Variants in OPLAH observed in about 807,000 individuals in gnomAD.
OPLAH encodes the protein 5-oxoprolinase.
OPLAH carries 103 observed loss-of-function variants against 122.8 expected under a neutral mutation model. That is an observed-to-expected ratio of 0.84 (90% CI 0.71 to 0.99). The LOEUF is 0.99. Among genes scored for constraint, OPLAH ranks in the 50% least tolerant of loss-of-function variants. The probability of loss-of-function intolerance (pLI) is 0.00; values close to 1 mark genes in which losing one functional copy is unlikely to be tolerated. For missense variants in OPLAH, 1,902 were observed against 1,836.5 expected (o/e 1.04, Z -0.65); for synonymous variants, 875 against 796.0 (o/e 1.10, Z -1.67).
chr8:144,063,315 A>G (rs557045460), upstream of OPLAH, among the ~76,000 whole-genome samples: 2 of 152,260 alleles, frequency 1.3e-5, no homozygotes, highest in South Asian at 4.1e-4. This position sits in a 1 kb window ranked among gnomAD's most constrained non-coding sequence, Gnocchi z 4.2. Flanking sequence ...TTCAGAACAC[A>G]GAGCTGCTAC....
rs781930226 is a variant in OPLAH at position 144,059,734 on chromosome 8, G to T, written c.228C>A (p.Ser76Arg). 6.2e-7 allele frequency: 1 copy of T among 1,610,958 alleles called. No homozygotes were observed. The highest frequency in any genetic ancestry group is 2.2e-5 in the East Asian group (1 of 44,874). ...TGGCCACTGTGGTGCCCATGCGGAT[G>T]CTGGCGATATGACTGGAGTCCAGCG... ...DQPLDSSHIA[S>R]IRMGTTVATN... Residue 76 changes from serine to arginine, a missense_variant, in exon 3 of 27, where the codon AGC becomes AGA. Ser to Arg is a moderately radical substitution (Grantham distance 110). Around this residue, in one of 3 missense-constraint regions of OPLAH, gnomAD observed 168 missense variants for 170.6 expected, o/e 0.98. Transcript: ENST00000618853.
chr8:144,061,524 G>GA (rs113778211), upstream of OPLAH, among the ~76,000 whole-genome samples: 2,698 of 140,304 alleles, frequency 0.019, 35 homozygotes, highest in East Asian at 0.035. Context: ...TCAAAAAAAA[G>GA]AAAAAAAAAA....
At chr8:144,057,183 T>G (rs782047159) in intron 11 of OPLAH, 25 bp downstream of exon 11, 1 of 1,606,374 alleles carries the variant, frequency 6.2e-7, no homozygotes, top group East Asian at 2.2e-5. Flanking sequence ...TCACACCACC[T>G]CCGTGCACCC....
chr8:144,056,010 C>T, intron 15 of OPLAH, 71 bp from the exon 16 acceptor site: 3 of 1,494,604 alleles, frequency 2.0e-6, no homozygotes, highest in East Asian at 2.4e-5. Context: ...TGCCACGGCC[C>T]CAGGCCAGGG....
chr8:144,058,436 G>GCAGGCCAAGGCC, intron 6 of OPLAH, 32 bp from the exon 7 acceptor site: 2 of 1,582,990 alleles, frequency 1.3e-6, no homozygotes, highest in Non-Finnish European at 1.7e-6. Context: ...GCCATGAGGG[G>GCAGGCCAAGGCC]CAGGCCAAGG....
intron 3 of OPLAH, 27 bp from the exon 4 acceptor site, chr8:144,059,106 G>A (rs1835605962): frequency 6.5e-7 from 1 of 1,535,100 alleles, no homozygotes; most frequent in African/African-American, 1.4e-5. Flanking sequence ...ACTCAGAAGA[G>A]GCCCAGGCCT....
intron 11 of OPLAH, 36 bp from the exon 12 acceptor site, chr8:144,057,154 C>T (rs782549905): frequency 6.3e-7 from 1 of 1,595,104 alleles, no homozygotes. Context: ...GGGAGGTCAC[C>T]TCCCAAGCCC....
intron 19 of OPLAH, among the ~76,000 whole-genome samples, chr8:144,054,210 C>G (rs1053354273): frequency 6.6e-6 from 1 of 152,094 alleles, no homozygotes; most frequent in African/African-American, 2.4e-5. Flanking sequence ...TGGGCCCTGC[C>G]CCTGCCCTGC....
At position 144,056,671 on chromosome 8, in the gene OPLAH, T is replaced by C. The variant is rs1554759241; in HGVS notation, c.1791A>G (p.Pro597=). 4 of 1,611,776 alleles carry C rather than the reference T, an allele frequency of 2.5e-6. No homozygotes were observed. In the South Asian group the frequency reaches 3.3e-5, roughly 13 times the overall value. ...CALMVSAHQH[P]ATARSPRAGD... ...CCGCACGGGGCGAGCGGGCTGTGGC[T>C]GGGTGCTGGTGGGCAGACACCATCA... The change falls in exon 13 of 27, where the codon CCA becomes CCG. Residue 597 remains proline (P), a synonymous_variant. Transcript: ENST00000618853.
At chr8:144,054,767 C>G (rs375848552) in intron 18 of OPLAH, 32 bp from the exon 19 acceptor site, 1 of 1,612,008 alleles carries the variant, frequency 6.2e-7, no homozygotes. Flanking sequence ...TCAGCTGCAT[C>G]GGCCACCACT....
chr8:144,052,060 G>A lies in OPLAH; in HGVS notation c.3478C>T (p.Arg1160Cys), dbSNP rs782304677. 6.9e-6 allele frequency: 11 copies of A among 1,586,268 alleles called. No homozygotes were observed. The highest frequency in any genetic ancestry group is 3.3e-5 in the South Asian group (3 of 89,796). ...ILESRYPVIL[R>C]RFELRRGSGG... ...GAGCCCCGCCGCAGCTCGAAGCGGCGCAGGATGACCGGGTACCTGCGAGGG... is the reference window on the plus strand; with the variant it reads ...GAGCCCCGCCGCAGCTCGAAGCGGCACAGGATGACCGGGTACCTGCGAGGG... Residue 1160 changes from arginine to cysteine, a missense_variant, in exon 25 of 27, where the codon CGC (arginine) becomes TGC (cysteine). By Grantham distance (180) the Arg-to-Cys change is radical. Around this residue, in one of 3 missense-constraint regions of OPLAH, gnomAD observed 1,726 missense variants for 1,642.1 expected, o/e 1.05. Coordinates refer to ENST00000618853, the MANE Select transcript of OPLAH (RefSeq NM_017570.5).
rs368533034 is a variant in OPLAH at position 144,056,240 on chromosome 8, T to A, written c.2003A>T (p.Glu668Val). Residue 668 changes from glutamate (E) to valine (V), a missense_variant, in exon 15 of 27, where the codon GAG becomes GTG. Coordinates refer to ENST00000618853, the MANE Select transcript of OPLAH (RefSeq NM_017570.5). ...RVDKMTQCYFEGGYQETPVYL... is the reference protein window; with the variant it reads ...RVDKMTQCYFVGGYQETPVYL... ...CACAGGGGTCTCCTGGTAGCCCCCC[T>A]CAAAGTAGCACTGGGTCATCTGCAG... The A allele has an allele frequency of 1.3e-5, 21 of 1,611,658 alleles. No individual in the cohort carries two copies. The African/African-American group carries it at 2.8e-4, about 22-fold the overall frequency.
Position 144,057,053 on chromosome 8 carries a change from G to C in OPLAH, c.1601C>G (p.Pro534Arg). Residue 534 changes from proline to arginine, a missense_variant, in exon 12 of 27, where the codon CCC (proline) becomes CGC (arginine). By Grantham distance (103) the Pro-to-Arg change is moderately radical (BLOSUM62 -2). Coordinates refer to ENST00000618853, the MANE Select transcript of OPLAH (RefSeq NM_017570.5). ...LADVVHEAQEPCSLLYAPETF... is the reference protein window; with the variant it reads ...LADVVHEAQERCSLLYAPETF... ...CTCAGGCGCGTAGAGCAGGGAGCAG[G>C]GTTCCTGTGCCTCATGCACCACGTC... 1 of 1,602,294 alleles carries C rather than the reference G, an allele frequency of 6.2e-7. No homozygotes were observed. The highest frequency in any genetic ancestry group is 8.5e-7 in the Non-Finnish European group (1 of 1,175,566).
At chr8:144,061,910 C>G (rs1835670033), upstream of OPLAH, among the ~76,000 whole-genome samples, 1 of 150,932 alleles carries the variant, frequency 6.6e-6, no homozygotes, top group Non-Finnish European at 1.5e-5. Flanking sequence ...GTCCCAGCTA[C>G]TTGGGAGGCT....
rs374886908 is a variant in OPLAH at position 144,057,222 on chromosome 8, C to T, written c.1521G>A (p.Thr507=). The part of the protein sequence containing the change: ...CAIARALGMD[T]VHIHRHSGLL... ...CCCAGGCCCACCTGTGGATGTGCAC[C>T]GTGTCCATGCCCAGGGCCCGGGCGA... Residue 507 remains threonine, a synonymous_variant, in exon 11 of 27, where the codon ACG becomes ACA. Coordinates refer to ENST00000618853, the MANE Select transcript of OPLAH (RefSeq NM_017570.5). The T allele has an allele frequency of 1.1e-4, 175 of 1,611,662 alleles. No individual in the cohort carries two copies. Among genetic ancestry groups the T allele is most frequent in the Admixed American group, 3.0e-4 (18 of 59,914 alleles).
rs377705135 is a variant in OPLAH at position 144,051,795 on chromosome 8, C to T, written c.3654G>A (p.Leu1218=). Reference sequence around the variant, plus strand: ...CCGTCCGGCCGTTTTTGCGGATCAGCAGGTTTAGGCCGCGGGCGCCAGGCT... The same window carrying T: ...CCGTCCGGCCGTTTTTGCGGATCAGTAGGTTTAGGCCGCGGGCGCCAGGCT... ...GGEPGARGLN[L]LIRKNGRTVN... is the part of the protein sequence containing the mutation. The change falls in exon 26 of 27, where the codon CTG becomes CTA. Residue 1218 remains leucine, a synonymous_variant. Coordinates refer to ENST00000618853, the MANE Select transcript of OPLAH (RefSeq NM_017570.5). 1 of 1,597,298 alleles carries T rather than the reference C, an allele frequency of 6.3e-7. No individual in the cohort carries two copies. Among genetic ancestry groups the T allele is most frequent in the Non-Finnish European group, 8.5e-7 (1 of 1,175,740 alleles).
chr8:144,053,791 C>G (rs1835445684), intron 19 of OPLAH, among the ~76,000 whole-genome samples: 1 of 151,828 alleles, frequency 6.6e-6, no homozygotes, highest in Non-Finnish European at 1.5e-5. Flanking sequence ...AGCCTCAGAC[C>G]AGGGCTGTTT....
Position 144,052,153 on chromosome 8 carries a change from C to A in OPLAH, c.3461+16G>T, listed in dbSNP as rs1554757832. ...CCCACCCGGCCGTGCCCCCAGCCTC[C>A]GCGCACGCCGCTCACCGGCTCTCCA... On this transcript the variant is annotated intron_variant, in intron 24 of 26. Transcript: ENST00000618853. 1 of 1,556,318 alleles carries A rather than the reference C, an allele frequency of 6.4e-7. No homozygotes were observed.
intron 26 of OPLAH, 61 bp from the exon 27 acceptor site, chr8:144,051,533 C>T: frequency 7.5e-7 from 1 of 1,326,516 alleles, no homozygotes; most frequent in Non-Finnish European, 1.0e-6. Context: ...CTCCCTGTCA[C>T]CTGCGCAGTC....
Sources: gnomAD v4.1 joint callset for allele counts (sites outside exome capture counted in the v4.1 genomes callset) on GRCh38, gnomAD v4.1.1 for gene constraint, gnomAD v4.1.1 regional missense constraint, Gnocchi (gnomAD v3.1) non-coding constraint, MANE v1.5 for transcripts, NCBI Gene and HGNC (gene_info 2026-07-23, HGNC 2026-07-21) for gene names.